Variants in LINC00632 observed in about 807,000 individuals in gnomAD.
LINC00632 encodes the protein ALDOA related specific transcript.
intron 2 of LINC00632, among the ~76,000 whole-genome samples, chrX:140,731,056 C>T (rs1931047706): frequency 9.1e-6 from 1 of 110,300 alleles, no homozygotes. Context: ...TGCGTGCCAC[C>T]AGACCCAGCT....
At chrX:140,777,509 G>A (rs1176404518) in exon 5 of LINC00632, among the ~76,000 whole-genome samples, 3 of 112,425 alleles carry the variant, frequency 2.7e-5, no homozygotes, top group Admixed American at 9.4e-5. Context: ...GATAGAAAGC[G>A]TTGAAAAATA....
At chrX:140,743,728 C>T (rs961136488) in intron 3 of LINC00632, among the ~76,000 whole-genome samples, 3 of 111,175 alleles carry the variant, frequency 2.7e-5, no homozygotes, top group East Asian at 2.8e-4. Flanking sequence ...CGTGACCCTG[C>T]GAGCAGTTAC....
At position 140,724,365 on chromosome X, in the gene LINC00632, TAC is replaced by T. The variant is rs757648797; in HGVS notation, n.105-9501_105-9500del. The stretch of plus-strand genomic sequence containing the variant: ...TACACATACACAGACATGCATTCCA[TAC>T]ACACACACACAGTCCATGCACACAC... On this transcript the variant is annotated intron_variant and non_coding_transcript_variant, in intron 2 of 4. Coordinates refer to ENST00000648200, the Ensembl canonical transcript of LINC00632. 5.2e-4 allele frequency among the ~76,000 whole-genome samples: 22 copies of T among 42,632 alleles called. No homozygotes were observed. In the South Asian group the frequency reaches 9.2e-3, roughly 18 times the overall value. 37.0% of individuals were successfully genotyped at this position (42,632 alleles called of 115,157 possible).
At chrX:140,780,896 C>A (rs140013227) in exon 5 of LINC00632, among the ~76,000 whole-genome samples, 1 of 110,791 alleles carries the variant, frequency 9.0e-6, no homozygotes, top group Non-Finnish European at 1.9e-5. Flanking sequence ...ATTAGCCTCA[C>A]ATCCCAACCC....
At chrX:140,728,871 C>T (rs1931009899) in intron 2 of LINC00632, among the ~76,000 whole-genome samples, 1 of 111,269 alleles carries the variant, frequency 9.0e-6, no homozygotes, top group Non-Finnish European at 1.9e-5. Flanking sequence ...CACAGAATCT[C>T]ATCACAACCT....
chrX:140,714,630 C>G (rs192003483), intron 2 of LINC00632: 1 of 110,737 alleles, frequency 9.0e-6, no homozygotes, highest in East Asian at 2.9e-4. Context: ...CGAGACCAGT[C>G]TCACCAACAT....
At chrX:140,756,832 T>C (rs73592079) in intron 3 of LINC00632, among the ~76,000 whole-genome samples, 2,104 of 112,015 alleles carry the variant, frequency 0.019, 48 homozygotes, top group African/African-American at 0.065. Context: ...TTTCATTTAA[T>C]TCTGAAAAAA....
intron 2 of LINC00632, among the ~76,000 whole-genome samples, chrX:140,723,221 G>T (rs1371536955): frequency 1.3e-3 from 1 of 769 alleles, no homozygotes; most frequent in Admixed American, 0.023. Flanking sequence ...ATCCCTGCTG[G>T]TTCCATGATA....
exon 5 of LINC00632, among the ~76,000 whole-genome samples, chrX:140,787,651 A>G (rs1932037066): frequency 9.0e-6 from 1 of 111,527 alleles, no homozygotes; most frequent in African/African-American, 3.2e-5. Flanking sequence ...ACAAGCAATC[A>G]TGTGTCTAAC....
intron 3 of LINC00632, among the ~76,000 whole-genome samples, chrX:140,749,644 G>A (rs781314105): frequency 9.0e-6 from 1 of 110,992 alleles, no homozygotes; most frequent in South Asian, 3.9e-4. Flanking sequence ...GTAACTACTT[G>A]ACAAGTATTT....
At chrX:140,735,011 C>T (rs1009091198) in intron 3 of LINC00632, among the ~76,000 whole-genome samples, 2 of 110,675 alleles carry the variant, frequency 1.8e-5, no homozygotes, top group Non-Finnish European at 3.8e-5. Context: ...GTGATCCGCT[C>T]GCCTCAGCCT....
intron 2 of LINC00632, among the ~76,000 whole-genome samples, chrX:140,727,011 T>C (rs1176548018): frequency 3.6e-5 from 4 of 110,853 alleles, no homozygotes; most frequent in Non-Finnish European, 7.5e-5. Context: ...CATTCTACAA[T>C]GCACGGACCT....
At chrX:140,742,839 T>TAGAGAGAGAGAGAGAG (rs3084215) in intron 3 of LINC00632, among the ~76,000 whole-genome samples, 4 of 46,910 alleles carry the variant, frequency 8.5e-5, no homozygotes, top group African/African-American at 2.0e-4. Context: ...TAGAAGGTGA[T>TAGAGAGAGAGAGAGAG]AGAGAGAGAG....
chrX:140,717,809 T>C (rs1602731862), intron 2 of LINC00632, among the ~76,000 whole-genome samples: 1 of 111,646 alleles, frequency 9.0e-6, no homozygotes, highest in African/African-American at 3.3e-5. Context: ...GGAATAATAA[T>C]GTAATAGGGG....
intron 2 of LINC00632, among the ~76,000 whole-genome samples, chrX:140,719,915 C>T (rs772928186): frequency 1.8e-5 from 2 of 108,756 alleles, no homozygotes. Context: ...TGGTGAAACC[C>T]TGACTCTACT....
chrX:140,734,759 C>CTTTTT, intron 3 of LINC00632, among the ~76,000 whole-genome samples: 1 of 75,313 alleles, frequency 1.3e-5, no homozygotes, highest in Non-Finnish European at 2.4e-5. Flanking sequence ...GGAAATACAT[C>CTTTTT]TTTTTTTTTT....
At chrX:140,785,011 C>G (rs181254269) in exon 5 of LINC00632, 1 of 118,694 alleles carries the variant, frequency 8.4e-6, no homozygotes, top group African/African-American at 3.3e-5. Flanking sequence ...CTAGTGCTTA[C>G]GGTTTTTATA....
chrX:140,771,198 T>G (rs1327376944), intron 3 of LINC00632, among the ~76,000 whole-genome samples: 4 of 110,644 alleles, frequency 3.6e-5, no homozygotes, highest in Non-Finnish European at 7.5e-5. Flanking sequence ...ATTATCTTAT[T>G]GGGGGAAAGA....
exon 4 of LINC00632, chrX:140,772,608 G>A (rs1931818379): frequency 3.3e-5 from 8 of 242,831 alleles, no homozygotes; most frequent in South Asian, 2.8e-4. Context: ...AATGGTGAAA[G>A]CAACACTTCC....
Sources: allele counts gnomAD v4.1 joint callset (sites outside exome capture counted in the v4.1 genomes callset), GRCh38; gene constraint gnomAD v4.1.1; transcripts MANE v1.5; gene names NCBI Gene and HGNC (gene_info 2026-07-23, HGNC 2026-07-21).